Variants in ADAM12 observed in about 807,000 individuals in gnomAD.
ADAM12 encodes the protein ADAM metallopeptidase domain 12.
ADAM12 carries 70 observed loss-of-function variants against 106.4 expected under a neutral mutation model. The observed-to-expected ratio is 0.66, with a 90% CI of 0.54 to 0.80. The LOEUF (loss-of-function observed/expected upper bound fraction) is 0.80, where lower values mean the gene tolerates loss of function less well. ADAM12 is among the 30% of genes least tolerant of loss of function. The pLI is 0.00. For synonymous variants in ADAM12, 420 were observed against 433.5 expected, an observed-to-expected ratio of 0.97 and a Z score of 0.39; for missense variants, 1,010 against 1,171.9, an observed-to-expected ratio of 0.86 and a Z score of 2.02.
chr10:126,094,887 C>T (rs1324745577), intron 10 of ADAM12, among the ~76,000 whole-genome samples: 1 of 152,202 alleles, frequency 6.6e-6, no homozygotes, highest in Non-Finnish European at 1.5e-5. Flanking sequence ...TCAACAAGCA[C>T]TACTTGGCCA....
rs375431309 is a variant in ADAM12 at position 126,371,898 on chromosome 10, C to A, written c.88+16160G>T. On this transcript the variant is annotated intron_variant, in intron 1 of 22. Coordinates refer to ENST00000448723, the MANE Select transcript of ADAM12 (RefSeq NM_001288973.2). ...GGCATCTGCTACCATTCATTCTCTA[C>A]AGCCCTTATGCCTAGCCCACAGTGA... 1.6e-4 allele frequency among the ~76,000 whole-genome samples: 24 copies of A among 152,330 alleles called. 2 individuals are homozygous for A. The highest frequency in any genetic ancestry group is 5.5e-4 in the African/African-American group (23 of 41,572).
chr10:126,241,263 T>C (rs906314185), intron 3 of ADAM12, among the ~76,000 whole-genome samples: 3 of 152,208 alleles, frequency 2.0e-5, no homozygotes, highest in African/African-American at 7.2e-5. Context: ...GTTTGGGGGT[T>C]GTTTTTGGAG....
At chr10:126,113,097 T>C (rs1955900577) in intron 6 of ADAM12, among the ~76,000 whole-genome samples, 1 of 152,104 alleles carries the variant, frequency 6.6e-6, no homozygotes, top group Admixed American at 6.5e-5. Context: ...AGGCCAAAGG[T>C]AGCTGAGGCC....
chr10:126,126,719 C>G (rs1206763487), intron 5 of ADAM12, among the ~76,000 whole-genome samples: 1 of 150,982 alleles, frequency 6.6e-6, no homozygotes, highest in Non-Finnish European at 1.5e-5. Context: ...AGGCAATTTT[C>G]AAATCTAAGA....
intron 1 of ADAM12, among the ~76,000 whole-genome samples, chr10:126,370,206 G>C (rs939065733): frequency 8.5e-5 from 13 of 152,188 alleles, no homozygotes; most frequent in African/African-American, 3.1e-4. Flanking sequence ...AGAGGACCCA[G>C]ATAAGTTGTG....
chr10:126,208,852 GT>G (rs5788775), intron 3 of ADAM12, among the ~76,000 whole-genome samples: 25 of 145,776 alleles, frequency 1.7e-4, no homozygotes, highest in African/African-American at 5.5e-4. Context: ...AAAAAAGAAA[GT>G]TTTTTTTTTT....
intron 18 of ADAM12, chr10:126,042,114 T>C: frequency 1.2e-6 from 2 of 1,612,574 alleles, no homozygotes; most frequent in East Asian, 2.2e-5. Flanking sequence ...GGTCACGGTC[T>C]CCATGTCATG....
intron 1 of ADAM12, among the ~76,000 whole-genome samples, chr10:126,385,615 A>C (rs538506021): frequency 1.3e-5 from 2 of 152,342 alleles, no homozygotes; most frequent in South Asian, 4.1e-4. Context: ...CTGCACGGCA[A>C]AACAGTGAAA....
chr10:126,261,638 A>G (rs1426315485), intron 3 of ADAM12, among the ~76,000 whole-genome samples: 1 of 152,198 alleles, frequency 6.6e-6, no homozygotes, highest in Non-Finnish European at 1.5e-5. Flanking sequence ...ACTATCTGGA[A>G]CACAGTTTGT....
intron 1 of ADAM12, among the ~76,000 whole-genome samples, chr10:126,380,836 C>T (rs1373933631): frequency 1.3e-5 from 2 of 152,200 alleles, no homozygotes; most frequent in Non-Finnish European, 2.9e-5. Flanking sequence ...GGTTGTAGGG[C>T]TTAGCCATTT....
chr10:126,330,601 T>G, intron 1 of ADAM12, 92 bp from the exon 2 acceptor site: 1 of 1,157,122 alleles, frequency 8.6e-7, no homozygotes, highest in East Asian at 2.4e-5. Flanking sequence ...AGTGAAAATA[T>G]TTGGAAGTTA....
chr10:126,237,378 C>A (rs912765363), intron 3 of ADAM12, among the ~76,000 whole-genome samples: 1 of 152,104 alleles, frequency 6.6e-6, no homozygotes, highest in African/African-American at 2.4e-5. Context: ...ATAGAGGGGA[C>A]TCCCCTATAC....
chr10:126,097,155 C>T (rs577925017), intron 10 of ADAM12, among the ~76,000 whole-genome samples: 1 of 152,268 alleles, frequency 6.6e-6, no homozygotes, highest in South Asian at 2.1e-4. Context: ...TAGCAACTGA[C>T]CATGGAACCA....
intron 3 of ADAM12, among the ~76,000 whole-genome samples, chr10:126,183,888 A>G (rs1957356902): frequency 6.6e-6 from 1 of 152,248 alleles, no homozygotes. Context: ...AGAAGAATCT[A>G]TTACTGAATT....
At chr10:126,112,528 C>T (rs1955889939) in intron 6 of ADAM12, among the ~76,000 whole-genome samples, 1 of 152,100 alleles carries the variant, frequency 6.6e-6, no homozygotes, top group South Asian at 2.1e-4. Context: ...TTGAATCTTG[C>T]TCAAGAAAGA....
intron 14 of ADAM12, among the ~76,000 whole-genome samples, chr10:126,059,166 A>G (rs958350881): frequency 3.3e-5 from 5 of 152,180 alleles, no homozygotes; most frequent in Admixed American, 6.5e-5. Context: ...TCCCAATGTC[A>G]TTATATTTTT....
At position 126,108,982 on chromosome 10, in the gene ADAM12, A is replaced by G. The variant is rs117844330; in HGVS notation, c.670-318T>C. 3.7e-3 allele frequency among the ~76,000 whole-genome samples: 568 copies of G among 152,368 alleles called. 16 individuals carry two copies. In the East Asian group the frequency reaches 0.078, roughly 21 times the overall value. ...AGAAGTCAGTCCAAAGCCATTTTTC[A>G]TATCATCAACTTGATTTTAACTTCC... On this transcript the variant is annotated intron_variant, in intron 7 of 22. Coordinates refer to ENST00000448723, the MANE Select transcript of ADAM12 (RefSeq NM_001288973.2).
At position 126,348,220 on chromosome 10, in the gene ADAM12, T is replaced by A. The variant is rs761622691; in HGVS notation, c.89-17711A>T. 4.8e-4 allele frequency among the ~76,000 whole-genome samples: 73 copies of A among 152,296 alleles called. 2 individuals are homozygous for A. Among genetic ancestry groups the A allele is most frequent in the Middle Eastern group, 3.4e-3 (1 of 294 alleles). ...GGGTGTTTTCTTAAGTTAGACTGCA[T>A]CCTGCCTACTGGGAGCACAGAGTCT... On this transcript the variant is annotated intron_variant, in intron 1 of 22. Transcript: ENST00000448723.
At chr10:126,317,237 G>C (rs1016135751) in intron 2 of ADAM12, among the ~76,000 whole-genome samples, 8 of 152,140 alleles carry the variant, frequency 5.3e-5, no homozygotes, top group Admixed American at 2.6e-4. Context: ...AGGTGAGGCC[G>C]AGGAACACAG....
Sources: gnomAD v4.1 joint callset for allele counts (sites outside exome capture counted in the v4.1 genomes callset) on GRCh38, gnomAD v4.1.1 for gene constraint, MANE v1.5 for transcripts, NCBI Gene and HGNC (gene_info 2026-07-23, HGNC 2026-07-21) for gene names.